KCNMA1: variants seen among roughly 807,000 people sequenced by gnomAD.
KCNMA1 encodes the protein potassium calcium-activated channel subfamily M alpha 1, also known as Calcium-activated potassium channel subunit alpha-1.
A neutral mutation model predicts 140.0 loss-of-function variants in KCNMA1; 29 were observed. The observed-to-expected ratio is 0.21, with a 90% confidence interval of 0.15 to 0.28. The LOEUF (loss-of-function observed/expected upper bound fraction) is 0.28. Among genes scored for constraint, KCNMA1 ranks in the 10% least tolerant of loss-of-function variants. The probability of loss-of-function intolerance (pLI) is 1.00; values close to 1 mark genes in which losing one functional copy is unlikely to be tolerated. For synonymous variants in KCNMA1, 612 were observed against 611.9 expected, an observed-to-expected ratio of 1.00 and a Z score of 0.00; for missense variants, 880 against 1,602.2, an observed-to-expected ratio of 0.55 and a Z score of 7.70.
At chr10:77,472,495 A>G (rs2098187467) in intron 1 of KCNMA1, among the ~76,000 whole-genome samples, 2 of 151,450 alleles carry the variant, frequency 1.3e-5, no homozygotes, top group South Asian at 4.2e-4. Flanking sequence ...CACATCACAC[A>G]TACACATACA....
intron 3 of KCNMA1, among the ~76,000 whole-genome samples, chr10:77,228,854 C>T (rs1347879452): frequency 6.6e-6 from 1 of 152,192 alleles, no homozygotes; most frequent in African/African-American, 2.4e-5. Flanking sequence ...TGGGCGCCAA[C>T]CCTAAGGGGA....
rs1238807330 is a variant in KCNMA1 at position 77,158,886 on chromosome 10, T to C, written c.808+24535A>G. Among the ~76,000 whole-genome samples, 3 of 152,148 alleles carry C rather than the reference T, an allele frequency of 2.0e-5. No individual in the cohort carries two copies. The East Asian group carries it at 5.8e-4, about 29-fold the overall frequency. On this transcript the variant is annotated intron_variant, in intron 5 of 27. Coordinates refer to ENST00000286628, the MANE Select transcript of KCNMA1 (RefSeq NM_001161352.2). Reference sequence around the variant, plus strand: ...CTGGCCAGCCAATGCGTAAGTGTAATAAGTAATCCTCATACTCTCACCCCA... The same window carrying C: ...CTGGCCAGCCAATGCGTAAGTGTAACAAGTAATCCTCATACTCTCACCCCA...
intron 24 of KCNMA1, chr10:76,914,238 G>A: frequency 1.1e-6 from 1 of 869,792 alleles, no homozygotes; most frequent in Non-Finnish European, 1.9e-6. Flanking sequence ...CTCAAGTAAA[G>A]GGACCCCGGA....
chr10:77,568,058 C>T (rs958001657), intron 1 of KCNMA1, among the ~76,000 whole-genome samples: 1 of 152,194 alleles, frequency 6.6e-6, no homozygotes, highest in South Asian at 2.1e-4. Context: ...TCTGAATAGA[C>T]CAATAACAGG....
At chr10:77,427,261 G>C (rs2097026973) in intron 1 of KCNMA1, among the ~76,000 whole-genome samples, 1 of 152,228 alleles carries the variant, frequency 6.6e-6, no homozygotes, top group Admixed American at 6.5e-5. Context: ...GGGAATCAAG[G>C]ACCCATTCAA....
intron 9 of KCNMA1, among the ~76,000 whole-genome samples, chr10:77,103,195 T>C (rs1184972280): frequency 6.6e-6 from 1 of 152,202 alleles, no homozygotes; most frequent in Non-Finnish European, 1.5e-5. Flanking sequence ...GTACTCTAGT[T>C]TCATATTTAA....
At chr10:77,138,072 T>C (rs2098086506) in intron 5 of KCNMA1, among the ~76,000 whole-genome samples, 1 of 152,186 alleles carries the variant, frequency 6.6e-6, no homozygotes, top group African/African-American at 2.4e-5. Flanking sequence ...CATTCATTCA[T>C]TCATTCATTC....
intron 5 of KCNMA1, chr10:77,149,778 C>G (rs934140281): frequency 1.3e-5 from 2 of 152,146 alleles, no homozygotes; most frequent in Non-Finnish European, 2.9e-5. Flanking sequence ...TTAGGCTCAC[C>G]CATTTCTGCA....
chr10:77,243,617 T>C (rs181795388), intron 3 of KCNMA1, among the ~76,000 whole-genome samples: 72 of 152,262 alleles, frequency 4.7e-4, no homozygotes, highest in Non-Finnish European at 1.6e-4. Flanking sequence ...GCAAAGTAGA[T>C]AGGGATGTAT....
intron 2 of KCNMA1, among the ~76,000 whole-genome samples, chr10:77,390,181 T>C (rs1352688465): frequency 6.6e-6 from 1 of 152,188 alleles, no homozygotes; most frequent in Non-Finnish European, 1.5e-5. Context: ...TTTATGGAGA[T>C]GCTGAGGCCT....
chr10:77,436,525 T>G (rs1419566963), intron 1 of KCNMA1, among the ~76,000 whole-genome samples: 2 of 152,242 alleles, frequency 1.3e-5, no homozygotes, highest in African/African-American at 4.8e-5. Context: ...TTCGCCAAGC[T>G]TTGTGCTACA....
intron 24 of KCNMA1, chr10:76,914,306 C>A: frequency 1.7e-6 from 1 of 604,210 alleles, no homozygotes; most frequent in Non-Finnish European, 3.0e-6. Flanking sequence ...TTTGCACACT[C>A]ACTAATGGTA....
chr10:77,473,664 C>T (rs1372519592), intron 1 of KCNMA1, among the ~76,000 whole-genome samples: 1 of 152,156 alleles, frequency 6.6e-6, no homozygotes, highest in South Asian at 2.1e-4. Flanking sequence ...GGACAGACAT[C>T]GGGGGAAGGG....
chr10:76,920,020 G>GTATATGTATATATATATATATATA (rs1554921803), intron 23 of KCNMA1, among the ~76,000 whole-genome samples: 39 of 34,426 alleles, frequency 1.1e-3, no homozygotes, highest in Admixed American at 2.1e-3. Context: ...GTGTGTGTGT[G>GTATATGTATATATATATATATATA]TATATATATA....
At chr10:77,517,799 T>C (rs1323047018) in intron 1 of KCNMA1, among the ~76,000 whole-genome samples, 1 of 152,098 alleles carries the variant, frequency 6.6e-6, no homozygotes, top group African/African-American at 2.4e-5. Flanking sequence ...TCCTAGGGTG[T>C]AGAACTGAAA....
At chr10:77,533,317 G>A (rs527377626) in intron 1 of KCNMA1, among the ~76,000 whole-genome samples, 5 of 152,246 alleles carry the variant, frequency 3.3e-5, no homozygotes, top group East Asian at 1.9e-4. Context: ...ACACAGAAGC[G>A]GCTGCATGAC....
At chr10:77,278,800 G>A (rs543279411) in intron 2 of KCNMA1, among the ~76,000 whole-genome samples, 104 of 152,292 alleles carry the variant, frequency 6.8e-4, no homozygotes, top group Non-Finnish European at 1.2e-3. Flanking sequence ...ACAGCTAAAA[G>A]GAAAAATAAG....
chr10:76,981,671 G>A (rs1478641066), intron 19 of KCNMA1, among the ~76,000 whole-genome samples: 1 of 152,128 alleles, frequency 6.6e-6, no homozygotes, highest in Admixed American at 6.5e-5. Flanking sequence ...CCCTTGAAGG[G>A]ACAGCCTAGG....
chr10:77,389,612 T>C (rs1185119237), intron 2 of KCNMA1, among the ~76,000 whole-genome samples: 1 of 152,124 alleles, frequency 6.6e-6, no homozygotes, highest in Non-Finnish European at 1.5e-5. Flanking sequence ...CAACATCCCC[T>C]TAGAGGCTTC....
Sources: allele counts gnomAD v4.1 joint callset (sites outside exome capture counted in the v4.1 genomes callset), GRCh38; gene constraint gnomAD v4.1.1; transcripts MANE v1.5; gene names NCBI Gene and HGNC (gene_info 2026-07-23, HGNC 2026-07-21).